NEBL: variants seen among roughly 807,000 people sequenced by gnomAD.
NEBL encodes the protein LIM and SH3 protein 2.
NEBL carries 122 observed loss-of-function variants against 140.2 expected under a neutral mutation model. That is an observed-to-expected ratio of 0.87 (90% confidence interval 0.75 to 1.01). The LOEUF (loss-of-function observed/expected upper bound fraction) is 1.01. Among genes scored for constraint, NEBL ranks in the 50% least tolerant of loss-of-function variants. The pLI is 0.00. For missense variants in NEBL, 1,365 were observed against 1,231.3 expected, an observed-to-expected ratio of 1.11 and a Z score of -1.62; for synonymous variants, 436 against 398.9, an observed-to-expected ratio of 1.09 and a Z score of -1.11.
intron 2 of NEBL, among the ~76,000 whole-genome samples, chr10:21,143,645 C>T (rs1402681781): frequency 1.3e-5 from 2 of 151,646 alleles, no homozygotes; most frequent in Non-Finnish European, 2.9e-5. Flanking sequence ...TGAAGAGGAC[C>T]CCAAATTCTA....
rs183744335 is a variant in NEBL at position 21,252,684 on chromosome 10, G to A, written n.183-856C>T. Reference sequence around the variant, plus strand: ...AAATGAGGCAGAGGAGGCTGGGCGCGGTAGCTCACACCTGTAATCCTAGCA... The same window carrying A: ...AAATGAGGCAGAGGAGGCTGGGCGCAGTAGCTCACACCTGTAATCCTAGCA... On this transcript the variant is annotated intron_variant and non_coding_transcript_variant, in intron 1 of 8. Coordinates refer to the NEBL transcript ENST00000675702. 4.4e-3 allele frequency among the ~76,000 whole-genome samples: 672 copies of A among 152,214 alleles called. 9 individuals carry two copies. Among genetic ancestry groups the A allele is most frequent in the African/African-American group, 0.015 (643 of 41,524 alleles).
intron 3 of NEBL, among the ~76,000 whole-genome samples, chr10:21,246,873 T>G (rs1016609613): frequency 2.0e-5 from 3 of 152,094 alleles, no homozygotes; most frequent in African/African-American, 7.2e-5. Context: ...CATACTGATA[T>G]AGTTTGGCTC....
chr10:20,984,494 C>T, intron 3 of NEBL, among the ~76,000 whole-genome samples: 1 of 152,146 alleles, frequency 6.6e-6, no homozygotes, highest in Non-Finnish European at 1.5e-5. Flanking sequence ...GGACCTTTGT[C>T]TCATCAGGTT....
At chr10:21,261,359 A>G (rs1334602054) in intron 1 of NEBL, among the ~76,000 whole-genome samples, 1 of 152,154 alleles carries the variant, frequency 6.6e-6, no homozygotes, top group African/African-American at 2.4e-5. Context: ...AATCATCAGT[A>G]CCTTCAAAAT....
intron 11 of NEBL, among the ~76,000 whole-genome samples, chr10:20,846,291 A>G (rs74120700): frequency 0.051 from 7,704 of 152,276 alleles, 602 homozygotes; most frequent in African/African-American, 0.17. Context: ...TGAAATGATA[A>G]AAGTAAATAA....
intron 3 of NEBL, among the ~76,000 whole-genome samples, chr10:20,976,594 AAAT>A (rs1214521660): frequency 6.6e-6 from 1 of 152,176 alleles, no homozygotes; most frequent in Non-Finnish European, 1.5e-5. Flanking sequence ...CAGCCATAAA[AAAT>A]AATAAGATCA....
chr10:21,029,466 C>T, intron 2 of NEBL: 1 of 1,611,628 alleles, frequency 6.2e-7, no homozygotes, highest in South Asian at 1.1e-5. Context: ...CCCTGAGTCT[C>T]AATTAAGAGT....
chr10:20,916,498 C>T (rs554018804), intron 4 of NEBL, among the ~76,000 whole-genome samples: 1 of 152,254 alleles, frequency 6.6e-6, no homozygotes, highest in East Asian at 1.9e-4. Context: ...CCTTCACCTC[C>T]CAGGCTCAAG....
At chr10:20,917,606 G>T (rs2131487816) in intron 4 of NEBL, among the ~76,000 whole-genome samples, 1 of 152,232 alleles carries the variant, frequency 6.6e-6, no homozygotes, top group African/African-American at 2.4e-5. Flanking sequence ...TCTTAGAAGG[G>T]CTAGGAAAAA....
chr10:20,791,298 T>C (rs1037843555), intron 26 of NEBL, among the ~76,000 whole-genome samples: 2 of 152,340 alleles, frequency 1.3e-5, no homozygotes, highest in Non-Finnish European at 1.5e-5. Context: ...TTCTGCTTAA[T>C]GGTTATTATT....
chr10:21,069,223 C>T (rs1226290939), intron 2 of NEBL, among the ~76,000 whole-genome samples: 1 of 152,172 alleles, frequency 6.6e-6, no homozygotes, highest in Non-Finnish European at 1.5e-5. Flanking sequence ...ATGGAACCCA[C>T]TTTGCTCCCA....
chr10:21,158,415 A>C (rs909631321), intron 2 of NEBL, among the ~76,000 whole-genome samples: 1 of 152,188 alleles, frequency 6.6e-6, no homozygotes, highest in Non-Finnish European at 1.5e-5. Context: ...CAGTAACCAG[A>C]AGAGGTAGCA....
At chr10:21,092,586 T>TTAATAATAATAATAA (rs4025883) in intron 2 of NEBL, among the ~76,000 whole-genome samples, 2 of 142,110 alleles carry the variant, frequency 1.4e-5, no homozygotes, top group African/African-American at 5.1e-5. Flanking sequence ...CCTCTATAAT[T>TTAATAATAATAATAA]TAATAATAAT....
intron 4 of NEBL, 58 bp from the exon 5 acceptor site, chr10:20,880,962 A>G: frequency 7.3e-7 from 1 of 1,370,606 alleles, no homozygotes; most frequent in Non-Finnish European, 1.0e-6. Flanking sequence ...CTTGCCTGCT[A>G]ATTTCAGTGT....
intron 2 of NEBL, among the ~76,000 whole-genome samples, chr10:21,118,519 A>G (rs1838382983): frequency 6.6e-6 from 1 of 152,182 alleles, no homozygotes; most frequent in African/African-American, 2.4e-5. Flanking sequence ...ATTGACTTAT[A>G]TTAAAGCTGC....
At chr10:21,128,041 AT>A (rs1436916721) in intron 2 of NEBL, among the ~76,000 whole-genome samples, 1 of 152,198 alleles carries the variant, frequency 6.6e-6, no homozygotes, top group Admixed American at 6.5e-5. Context: ...ATATTTTGGC[AT>A]CTATATTTTT....
chr10:20,851,916 A>C (rs756178238), intron 10 of NEBL, among the ~76,000 whole-genome samples: 20 of 152,176 alleles, frequency 1.3e-4, no homozygotes, highest in Non-Finnish European at 2.1e-4. Flanking sequence ...ATTATTATGG[A>C]CTTTAAGTTC....
intron 3 of NEBL, among the ~76,000 whole-genome samples, chr10:20,988,250 T>G (rs539133566): frequency 2.5e-3 from 380 of 152,336 alleles, no homozygotes; most frequent in Non-Finnish European, 3.5e-3. Flanking sequence ...TAGCCATGTC[T>G]GGCAACCCCA....
At position 21,143,995 on chromosome 10, in the gene NEBL, C is replaced by T. The variant is rs186248240; in HGVS notation, c.164+28388G>A. On this transcript the variant is annotated intron_variant, in intron 2 of 6. Coordinates refer to the NEBL transcript ENST00000417816. ...AAATGATGATTATTCGAATAAGATA[C>T]CACTGAAAACTCCAACAAGGAGAGA... is the stretch of plus-strand genomic sequence containing the variant. Among the ~76,000 whole-genome samples the T allele has an allele frequency of 1.1e-4, 17 of 152,220 alleles. No individual in the cohort carries two copies. In the East Asian group the frequency reaches 3.1e-3, roughly 28 times the overall value.
Sources: allele counts gnomAD v4.1 joint callset (sites outside exome capture counted in the v4.1 genomes callset), GRCh38; gene constraint gnomAD v4.1.1; transcripts MANE v1.5; gene names NCBI Gene and HGNC (gene_info 2026-07-23, HGNC 2026-07-21).